The following GRID1 variants were observed in gnomAD, a reference collection of about 807,000 sequenced individuals.
The protein encoded by GRID1 is glutamate receptor ionotropic, delta-1.
In GRID1, 28 loss-of-function variants were observed where a neutral mutation model predicts 98.0. That is an observed-to-expected ratio of 0.29 (90% CI 0.21 to 0.39). The LOEUF (loss-of-function observed/expected upper bound fraction) is 0.39. Ranked by LOEUF, GRID1 falls within the 10% of genes least tolerant of loss-of-function variation. The pLI is 1.00. For synonymous variants in GRID1, 553 were observed against 538.5 expected (o/e 1.03, Z -0.37); for missense variants, 1,111 against 1,340.5 (o/e 0.83, Z 2.67).
intron 4 of GRID1, among the ~76,000 whole-genome samples, chr10:85,997,053 A>G (rs1398576113): frequency 1.3e-5 from 2 of 152,190 alleles, no homozygotes; most frequent in Non-Finnish European, 2.9e-5. Flanking sequence ...AAGTCTATAT[A>G]CAATAGATTC....
At chr10:85,902,052 G>A (rs912011604) in intron 5 of GRID1, among the ~76,000 whole-genome samples, 3 of 152,094 alleles carry the variant, frequency 2.0e-5, no homozygotes, top group South Asian at 2.1e-4. Context: ...GTTCTTTCAC[G>A]TTTGCCATAA....
intron 5 of GRID1, among the ~76,000 whole-genome samples, chr10:85,913,388 T>C (rs922236498): frequency 8.5e-5 from 13 of 152,364 alleles, no homozygotes; most frequent in Admixed American, 7.2e-4. Context: ...GACTCTGTTT[T>C]CCCATCTGCA....
intron 2 of GRID1, among the ~76,000 whole-genome samples, chr10:86,247,229 A>T (rs1163260675): frequency 6.6e-6 from 1 of 150,528 alleles, no homozygotes; most frequent in East Asian, 1.9e-4. Context: ...AAGTAGATGG[A>T]AGGACAGAGG....
At chr10:86,300,103 A>G (rs1847660067) in intron 2 of GRID1, among the ~76,000 whole-genome samples, 1 of 152,294 alleles carries the variant, frequency 6.6e-6, no homozygotes, top group South Asian at 2.1e-4. Context: ...AGGAGAGAAC[A>G]CACAGAGACA....
intron 2 of GRID1, among the ~76,000 whole-genome samples, chr10:86,332,759 C>T (rs1193579093): frequency 2.7e-5 from 4 of 146,866 alleles, no homozygotes; most frequent in Admixed American, 6.7e-5. Context: ...ACCGACCTCA[C>T]ATCTTCCCCT....
intron 2 of GRID1, among the ~76,000 whole-genome samples, chr10:86,333,111 T>C (rs1028386008): frequency 1.3e-5 from 2 of 151,970 alleles, no homozygotes; most frequent in African/African-American, 4.8e-5. Flanking sequence ...TTCTACCAAA[T>C]CTCCCATCAG....
chr10:85,734,241 T>C (rs1220637821), intron 8 of GRID1, among the ~76,000 whole-genome samples: 2 of 152,092 alleles, frequency 1.3e-5, no homozygotes, highest in Middle Eastern at 3.2e-3. Flanking sequence ...CTCTGTAAAC[T>C]GTTGAGTTGG....
chr10:85,716,153 A>T (rs1402502903), intron 12 of GRID1, among the ~76,000 whole-genome samples: 1 of 152,064 alleles, frequency 6.6e-6, no homozygotes, highest in Non-Finnish European at 1.5e-5. Context: ...GTGATTCACC[A>T]GTCTCAGCCT....
intron 2 of GRID1, among the ~76,000 whole-genome samples, chr10:86,334,128 A>G (rs1414777203): frequency 1.3e-5 from 2 of 151,810 alleles, no homozygotes; most frequent in African/African-American, 4.8e-5. Flanking sequence ...TGGCCTATCC[A>G]TCTGCTTGAC....
intron 13 of GRID1, among the ~76,000 whole-genome samples, chr10:85,623,146 C>A (rs924174604): frequency 6.6e-6 from 1 of 152,194 alleles, no homozygotes; most frequent in Admixed American, 6.5e-5. Context: ...CAACTCCATG[C>A]TGAGTAAAAG....
chr10:86,200,777 C>T (rs754926788), intron 3 of GRID1, among the ~76,000 whole-genome samples: 2 of 152,076 alleles, frequency 1.3e-5, no homozygotes, highest in African/African-American at 2.4e-5. Context: ...CAACTACAAA[C>T]AGGTGTTTCA....
chr10:85,741,768 C>A (rs1299456180), intron 8 of GRID1, among the ~76,000 whole-genome samples: 1 of 152,118 alleles, frequency 6.6e-6, no homozygotes, highest in East Asian at 1.9e-4. Context: ...CTCACCAAGA[C>A]CTGATCCATG....
rs115064274 is a variant in GRID1, at chr10:85,724,289, G to A, written c.1858+63C>T. On this transcript the variant is annotated intron_variant, in intron 11 of 15. Transcript: ENST00000327946. ...TTGGTAAAATGCACCTGAGAACTTT[G>A]CCAATGGATAAGTTCTTCCAGGCCC... is the stretch of plus-strand genomic sequence containing the variant. 5 of 1,297,240 alleles carry A rather than the reference G, an allele frequency of 3.9e-6. No individual in the cohort carries two copies. In the African/African-American group the frequency reaches 7.4e-5, roughly 19 times the overall value. The allele number at this position is 1,297,240 out of a possible 1,614,324, so 80.4% of individuals were successfully genotyped here.
chr10:86,306,275 T>C (rs1490237325), intron 2 of GRID1, among the ~76,000 whole-genome samples: 1 of 152,250 alleles, frequency 6.6e-6, no homozygotes. Context: ...GGTCCCCTGC[T>C]ACAGCTCTGG....
chr10:86,067,438 C>A (rs1480839848), intron 4 of GRID1, among the ~76,000 whole-genome samples: 2 of 152,168 alleles, frequency 1.3e-5, no homozygotes, highest in Non-Finnish European at 2.9e-5. Flanking sequence ...GTTTCACAGA[C>A]CTCACCCCAA....
intron 13 of GRID1, among the ~76,000 whole-genome samples, chr10:85,624,865 TAA>T (rs1388236544): frequency 6.6e-6 from 1 of 152,144 alleles, no homozygotes; most frequent in Non-Finnish European, 1.5e-5. Flanking sequence ...TATTCTAAAT[TAA>T]GAGTTGACTC....
intron 3 of GRID1, among the ~76,000 whole-genome samples, chr10:86,185,645 T>C (rs986294016): frequency 6.6e-6 from 1 of 152,186 alleles, no homozygotes; most frequent in Non-Finnish European, 1.5e-5. Context: ...AGTTACCTTA[T>C]ATCCCCAGTT....
intron 4 of GRID1, among the ~76,000 whole-genome samples, chr10:85,998,396 A>T (rs970142693): frequency 2.0e-5 from 3 of 152,204 alleles, no homozygotes; most frequent in Admixed American, 6.5e-5. Context: ...CCATGGGTGA[A>T]AAAAAGTCTA....
intron 4 of GRID1, among the ~76,000 whole-genome samples, chr10:86,023,159 T>C (rs1843072387): frequency 6.6e-6 from 1 of 151,978 alleles, no homozygotes; most frequent in Non-Finnish European, 1.5e-5. Context: ...CTTGGAGAAA[T>C]AGAGGCCCTG....
Sources: allele counts gnomAD v4.1 joint callset (sites outside exome capture counted in the v4.1 genomes callset), GRCh38; gene constraint gnomAD v4.1.1; transcripts MANE v1.5; gene names NCBI Gene and HGNC (gene_info 2026-07-23, HGNC 2026-07-21).